PHYH: variants seen among roughly 807,000 people sequenced by gnomAD.
The protein encoded by PHYH is phytanoyl-CoA 2-hydroxylase.
PHYH carries 32 observed loss-of-function variants against 38.5 expected under a neutral mutation model. The ratio of observed to expected loss-of-function variants is 0.83; its 90% CI spans 0.63 to 1.12. The LOEUF (loss-of-function observed/expected upper bound fraction) is 1.12, where lower values mean the gene tolerates loss of function less well. Ranked by LOEUF, PHYH falls within the 50% of genes most tolerant of loss-of-function variation. The pLI is 0.00. For missense variants in PHYH, 426 were observed against 434.8 expected, an observed-to-expected ratio of 0.98 and a Z score of 0.18; for synonymous variants, 166 against 157.9, an observed-to-expected ratio of 1.05 and a Z score of -0.38.
rs191685470 is a variant in PHYH at position 13,289,894 on chromosome 10, G to A, written c.497-1353C>T. Among the ~76,000 whole-genome samples, 291 of 142,960 alleles carry A rather than the reference G, an allele frequency of 2.0e-3. 2 individuals carry two copies. Among genetic ancestry groups the A allele is most frequent in the African/African-American group, 6.7e-3 (255 of 38,052 alleles). The allele number at this position is 142,960 out of a possible 152,430, so 93.8% of individuals were successfully genotyped here. On this transcript the variant is annotated intron_variant, in intron 5 of 8. Transcript: ENST00000263038. ...CAGCAGGTTGCAGTGAGTCAAGATC[G>A]CACCACTGCACTCCAGCCTAGGCGA...
Position 13,300,061 on chromosome 10 carries a change from C to A in PHYH, c.-19G>T. On this transcript the variant is annotated 5_prime_UTR_variant, in exon 1 of 9. Coordinates refer to ENST00000263038, the MANE Select transcript of PHYH (RefSeq NM_006214.4). ...GCTCCATGGCTGCGGCGCGGGGAAC[C>A]CCCACCCCTCCCGGCCTCTGCCCCA... 1.3e-6 allele frequency: 2 copies of A among 1,529,274 alleles called. No homozygotes were observed. Among genetic ancestry groups the A allele is most frequent in the Non-Finnish European group, 1.7e-6 (2 of 1,143,562 alleles). 94.7% of individuals were successfully genotyped at this position (1,529,274 alleles called of 1,614,324 possible). A position where few individuals can be genotyped will look rare whatever the true frequency, so the allele number is the denominator to read the frequency against.
intron 2 of PHYH, 118 bp from the exon 3 acceptor site, chr10:13,295,724 T>C: frequency 1.5e-6 from 1 of 666,512 alleles, no homozygotes; most frequent in Non-Finnish European, 2.7e-6. Flanking sequence ...TCACTTGAGG[T>C]CAGGAGTTTG....
chr10:13,289,331 G>A (rs901061906), intron 5 of PHYH, among the ~76,000 whole-genome samples: 3 of 152,110 alleles, frequency 2.0e-5, no homozygotes, highest in Non-Finnish European at 2.9e-5. Flanking sequence ...GAGTAGCTGG[G>A]ACTACAGGCG....
chr10:13,281,733 C>T (rs17153057), intron 7 of PHYH, among the ~76,000 whole-genome samples: 2,993 of 152,234 alleles, frequency 0.02, 108 homozygotes, highest in African/African-American at 0.068. Context: ...GCAAGGCAAT[C>T]GTTAAAACTT....
intron 2 of PHYH, among the ~76,000 whole-genome samples, chr10:13,296,824 T>G (rs1278809628): frequency 2.6e-5 from 4 of 151,354 alleles, no homozygotes; most frequent in African/African-American, 7.3e-5. Flanking sequence ...GCATGGTGTC[T>G]GGCGCCTGTA....
intron 7 of PHYH, 48 bp downstream of exon 7, chr10:13,283,641 TG>T (rs761633788): frequency 6.4e-7 from 1 of 1,567,206 alleles, no homozygotes; most frequent in Admixed American, 1.7e-5. Context: ...ATACAATTTT[TG>T]TTTCTAACCC....
chr10:13,293,686 G>C (rs900020160), intron 4 of PHYH, among the ~76,000 whole-genome samples: 3 of 151,960 alleles, frequency 2.0e-5, no homozygotes, highest in Non-Finnish European at 4.4e-5. Flanking sequence ...GACTGGTCTT[G>C]AACACCTGGC....
rs1554785642 is a variant in PHYH at position 13,298,767 on chromosome 10, A to ACTACTACTACTACTG, written c.76-523_76-522insCAGTAGTAGTAGTAG. 7.9e-3 allele frequency among the ~76,000 whole-genome samples: 898 copies of ACTACTACTACTACTG among 113,358 alleles called. 4 individuals are homozygous for ACTACTACTACTACTG. The highest frequency in any genetic ancestry group is 9.0e-3 in the African/African-American group (292 of 32,458). 74.4% of individuals were successfully genotyped at this position (113,358 alleles called of 152,430 possible). A position where few individuals can be genotyped will look rare whatever the true frequency, so the allele number is the denominator to read the frequency against. On this transcript the variant is annotated intron_variant, in intron 1 of 8. Coordinates refer to ENST00000263038, the MANE Select transcript of PHYH (RefSeq NM_006214.4). ...TACTACTACTACTACTACTACTGCT[A>ACTACTACTACTACTG]CTACTACTACTACTAATAATAATAA...
chr10:13,282,130 A>G (rs1384082952), intron 7 of PHYH, among the ~76,000 whole-genome samples: 1 of 152,130 alleles, frequency 6.6e-6, no homozygotes, highest in African/African-American at 2.4e-5. Flanking sequence ...GCATGCCTGT[A>G]GTCCCAGCTA....
rs1347567462 is a variant in PHYH, at chr10:13,299,948, C to T, written c.75+20G>A. 1.3e-6 allele frequency: 2 copies of T among 1,515,548 alleles called. No homozygotes were observed. Among genetic ancestry groups the T allele is most frequent in the East Asian group, 2.6e-5 (1 of 38,146 alleles). 93.9% of individuals were successfully genotyped at this position (1,515,548 alleles called of 1,614,324 possible). On this transcript the variant is annotated intron_variant, in intron 1 of 8. Coordinates refer to ENST00000263038, the MANE Select transcript of PHYH (RefSeq NM_006214.4). ...GCCGGCGCCGGATCCAGCCCGAGCC[C>T]CGCGCAGCCCAAAGGATACGACAGC...
At chr10:13,284,354 C>T (rs913597791) in intron 6 of PHYH, among the ~76,000 whole-genome samples, 1 of 152,060 alleles carries the variant, frequency 6.6e-6, no homozygotes, top group African/African-American at 2.4e-5. Flanking sequence ...AAAGAAGTCA[C>T]ATGTTGATAT....
In PHYH at chr10:13,288,367, T is replaced by G. The variant is rs997483861; in HGVS notation, c.671A>C (p.Lys224Thr). The part of the protein sequence containing the change: ...KGSLKPHDYP[K>T]WEGGVNKMFH... ...GCCGCCGGGCAGACCTACCTCCCAC[T>G]TGGGGTAATCGTGGGGCTTCAGGGA... The change falls in exon 6 of 9, where the codon AAG becomes ACG. Residue 224 changes from lysine to threonine, a missense_variant. Physicochemically the swap from Lys to Thr is moderately conservative, Grantham distance 78. Coordinates refer to ENST00000263038, the MANE Select transcript of PHYH (RefSeq NM_006214.4). 1.2e-6 allele frequency: 2 copies of G among 1,613,544 alleles called. No homozygotes were observed. Among genetic ancestry groups the G allele is most frequent in the African/African-American group, 2.7e-5 (2 of 74,920 alleles).
At chr10:13,295,650 T>A in intron 2 of PHYH, 44 bp from the exon 3 acceptor site, 2 of 868,670 alleles carry the variant, frequency 2.3e-6, no homozygotes, top group Non-Finnish European at 4.0e-6. Context: ...ATTTTTAAAT[T>A]ACAGGCTAGG....
At chr10:13,287,932 C>A (rs1189059066) in intron 6 of PHYH, among the ~76,000 whole-genome samples, 1 of 152,164 alleles carries the variant, frequency 6.6e-6, no homozygotes, top group East Asian at 1.9e-4. Flanking sequence ...TTAATCCCAG[C>A]ACTTAGGGAG....
intron 1 of PHYH, chr10:13,299,522 C>G (rs1588520742): frequency 9.9e-7 from 1 of 1,005,898 alleles, no homozygotes. Flanking sequence ...AGCTCCTGCC[C>G]GGGAGGGCAC....
chr10:13,295,497 G>C lies in PHYH; in HGVS notation c.244C>G (p.Arg82Gly), dbSNP rs145404396. Residue 82 changes from arginine to glycine, a missense_variant and splice_region_variant, in exon 3 of 9, where the codon CGG (arginine) becomes GGG (glycine). Physicochemically the swap from Arg to Gly is moderately radical, Grantham distance 125. Transcript: ENST00000263038. The stretch of plus-strand genomic sequence containing the variant: ...AAATAACAAATAGTGTTACTGTACC[G>C]AAAGCGTTGAATATCGGCATCAGGT... ...LVPDADIQRF[R>G]NEFEKICRKE... 2.7e-4 allele frequency: 389 copies of C among 1,429,532 alleles called. No individual in the cohort carries two copies. In the African/African-American group the frequency reaches 4.8e-3, roughly 18 times the overall value. 88.6% of individuals were successfully genotyped at this position (1,429,532 alleles called of 1,614,324 possible).
In PHYH at chr10:13,281,119, A is replaced by T; in HGVS notation, c.829-9T>A. 1 of 1,614,182 alleles carries T rather than the reference A, an allele frequency of 6.2e-7. No homozygotes were observed. The highest frequency in any genetic ancestry group is 1.1e-5 in the South Asian group (1 of 91,082). On this transcript the variant is annotated splice_polypyrimidine_tract_variant and intron_variant, in intron 7 of 8. Transcript: ENST00000263038. ...AAATGGCAGGAAATTGCCTGTGCAA[A>T]GTGAACAAATTGATATTGGAGAAAA...
In PHYH at chr10:13,299,775, G is replaced by C. The variant is rs1005641516; in HGVS notation, c.75+193C>G. ...CCCCAGGGCGGCCGCGCGTGTCCTC[G>C]GGGGACGCAGCCTCTTCCCCGCTCC... On this transcript the variant is annotated intron_variant, in intron 1 of 8. Transcript: ENST00000263038. 39 of 1,311,012 alleles carry C rather than the reference G, an allele frequency of 3.0e-5. No individual in the cohort carries two copies. The African/African-American group carries it at 5.0e-4, about 17-fold the overall frequency. 81.2% of individuals were successfully genotyped at this position (1,311,012 alleles called of 1,614,324 possible).
At chr10:13,298,767 A>ACTACTACTACTACTACTG (rs1554785644) in intron 1 of PHYH, among the ~76,000 whole-genome samples, 47 of 113,534 alleles carry the variant, frequency 4.1e-4, no homozygotes, top group African/African-American at 7.7e-4. Flanking sequence ...TACTACTGCT[A>ACTACTACTACTACTACTG]CTACTACTAC....
Sources: allele counts gnomAD v4.1 joint callset (sites outside exome capture counted in the v4.1 genomes callset), GRCh38; gene constraint gnomAD v4.1.1; transcripts MANE v1.5; gene names NCBI Gene and HGNC (gene_info 2026-07-23, HGNC 2026-07-21).